Variants in LRRC56 observed in about 807,000 individuals in gnomAD.
LRRC56 encodes leucine rich repeat containing 56.
Under a neutral mutation model 47.8 loss-of-function variants are expected in LRRC56, and 41 were observed. That is an observed-to-expected ratio of 0.86 (90% CI 0.67 to 1.11). LRRC56 has a LOEUF of 1.11. Ranked by LOEUF, LRRC56 falls within the 50% of genes most tolerant of loss-of-function variation. The pLI is 0.00. For synonymous variants in LRRC56, 387 were observed against 311.2 expected (o/e 1.24, Z -2.56); for missense variants, 759 against 704.2 (o/e 1.08, Z -0.88).
At chr11:508,200 C>T in the LRRC56 span, among the ~76,000 whole-genome samples, 2 of 152,228 alleles carry the variant, frequency 1.3e-5, no homozygotes, top group African/African-American at 4.8e-5. Context: ...GGGTCTCACT[C>T]CACTGCTTAG....
At chr11:553,430 G>A (rs1248222303) in intron 13 of LRRC56, among the ~76,000 whole-genome samples, 6 of 152,102 alleles carry the variant, frequency 3.9e-5, no homozygotes, top group East Asian at 1.9e-4. Flanking sequence ...CTGTGGAGGG[G>A]GCAGACAGAG....
the LRRC56 span, among the ~76,000 whole-genome samples, chr11:526,106 C>A: frequency 2.6e-5 from 4 of 151,550 alleles, no homozygotes; most frequent in Admixed American, 2.0e-4. Context: ...ACTCGGGAGG[C>A]TGAGGCAGGA....
In LRRC56 at chr11:551,297, C is replaced by A. The variant is rs564607547; in HGVS notation, c.791C>A (p.Pro264Gln). The change falls in exon 9 of 14, where the codon CCG becomes CAG. Residue 264 changes from proline to glutamine, a missense_variant. Pro to Gln is a moderately conservative substitution (Grantham distance 76, BLOSUM62 -1). Coordinates refer to ENST00000270115, the MANE Select transcript of LRRC56 (RefSeq NM_198075.4). ...ATCAAGAAGGGCAACGGCCTTCCCC[C>A]GCTGGGTACGGCAGCTGCGCCCGGA... ...EAIKKGNGLP[P>Q]LDCPRGAPIR... The A allele has an allele frequency of 6.2e-5, 94 of 1,519,490 alleles. 1 individual carries two copies. The South Asian group carries it at 8.3e-4, about 13-fold the overall frequency. 94.1% of individuals were successfully genotyped at this position (1,519,490 alleles called of 1,614,324 possible). A position where few individuals can be genotyped will look rare whatever the true frequency, so the allele number is the denominator to read the frequency against.
At chr11:533,501 G>C (rs773270401), upstream of LRRC56, 2 of 1,613,646 alleles carry the variant, frequency 1.2e-6, no homozygotes, top group South Asian at 2.2e-5. Context: ...CGTAGCTTCG[G>C]GCGAGGTCCT....
At chr11:546,895 A>G (rs1852109916) in intron 6 of LRRC56, among the ~76,000 whole-genome samples, 2 of 151,784 alleles carry the variant, frequency 1.3e-5, no homozygotes. Context: ...TACTAAAAAT[A>G]CAAAAAAAAA....
At chr11:533,476 C>T (rs909222512), upstream of LRRC56, 7 of 1,613,378 alleles carry the variant, frequency 4.3e-6, no homozygotes, top group Admixed American at 3.3e-5. Flanking sequence ...GCCGAGGTCT[C>T]GATGTAGGGG....
chr11:540,736 GTCC>G lies in LRRC56; in HGVS notation c.53_55del (p.Val18_Arg19delinsGly), dbSNP rs759014538. On this transcript the variant is annotated inframe_deletion, in exon 4 of 14. Coordinates refer to ENST00000270115, the MANE Select transcript of LRRC56 (RefSeq NM_198075.4). ...TGGGCCTCGGCGGAGCACCTCCAGC[GTCC>G]GGGTGCGGGAGCTGAGCTGGCAAGG... 502 of 1,612,196 alleles carry G rather than the reference GTCC, an allele frequency of 3.1e-4. No homozygotes were observed. Among genetic ancestry groups the G allele is most frequent in the Non-Finnish European group, 3.9e-4 (466 of 1,179,792 alleles).
At chr11:507,151 C>G in the LRRC56 span, 4 of 152,224 alleles carry the variant, frequency 2.6e-5, no homozygotes, top group Non-Finnish European at 5.9e-5. Flanking sequence ...CCTGGAGACC[C>G]AGAGCGAGAC....
chr11:539,233 A>G (rs917798964), intron 2 of LRRC56, among the ~76,000 whole-genome samples: 6 of 151,994 alleles, frequency 3.9e-5, no homozygotes, highest in African/African-American at 1.5e-4. Flanking sequence ...GGCGTCCGCC[A>G]CCACGCCTGG....
At chr11:552,852 C>CT (rs1294236946) in intron 13 of LRRC56, 150 bp downstream of exon 13, 2 of 726,274 alleles carry the variant, frequency 2.8e-6, no homozygotes, top group Non-Finnish European at 4.4e-6. Flanking sequence ...AGGCCCCCTT[C>CT]TGGGGGTGGG....
rs139948504 is a variant in LRRC56, at chr11:541,726, G to A, written c.265+102G>A. The A allele has an allele frequency of 2.0e-3, 1,474 of 724,332 alleles. 6 individuals are homozygous for A. Among genetic ancestry groups the A allele is most frequent in the Middle Eastern group, 0.016 (64 of 4,054 alleles). The allele number at this position is 724,332 out of a possible 1,614,324, so 44.9% of individuals were successfully genotyped here. The stretch of plus-strand genomic sequence containing the variant: ...GACGACAAAGCTGTCCTCACCTCTC[G>A]GGCCGCGTATCGGCTTCCTTAGGGT... On this transcript the variant is annotated intron_variant, in intron 5 of 13. Coordinates refer to ENST00000270115, the MANE Select transcript of LRRC56 (RefSeq NM_198075.4). This position sits in a 1 kb window ranked among gnomAD's most constrained non-coding sequence, Gnocchi z 4.1.
the LRRC56 span, among the ~76,000 whole-genome samples, chr11:515,903 C>T: frequency 1.3e-5 from 2 of 152,140 alleles, no homozygotes; most frequent in Non-Finnish European, 2.9e-5. Context: ...TTGAAGCTTC[C>T]ATTCATATGT....
the LRRC56 span, among the ~76,000 whole-genome samples, chr11:526,837 TGA>T: frequency 2.3e-4 from 35 of 152,016 alleles, no homozygotes; most frequent in South Asian, 7.3e-3. Flanking sequence ...CTGGGGAGGC[TGA>T]GACAGGAGAA....
chr11:511,012 C>T, the LRRC56 span, among the ~76,000 whole-genome samples: 7 of 152,226 alleles, frequency 4.6e-5, 1 homozygote, highest in Admixed American at 2.0e-4. Flanking sequence ...TGGATTTTCA[C>T]ACGCAGCACG....
chr11:522,505 A>G, the LRRC56 span, among the ~76,000 whole-genome samples: 1 of 152,108 alleles, frequency 6.6e-6, no homozygotes, highest in Non-Finnish European at 1.5e-5. Context: ...TGACCTCGTG[A>G]TTCGCCCACC....
upstream of LRRC56, chr11:534,173 C>G (rs2133993676): frequency 6.6e-7 from 1 of 1,517,770 alleles, no homozygotes; most frequent in Non-Finnish European, 9.1e-7. Flanking sequence ...GGCTCGCCCG[C>G]AGCAGCTGCT....
rs769932469 is a variant in LRRC56 at position 540,722 on chromosome 11, G to A, written c.38G>A (p.Arg13Gln). The change falls in exon 4 of 14, where the codon CGG (arginine) becomes CAG (glutamine). Residue 13 changes from arginine (R) to glutamine (Q), a missense_variant. Transcript: ENST00000270115. ...LGWDRSRGPR[R>Q]STSSVRVREL... ...TGGGACAGATCCCGTGGGCCTCGGC[G>A]GAGCACCTCCAGCGTCCGGGTGCGG... is the stretch of plus-strand genomic sequence containing the variant. 37 of 1,612,506 alleles carry A rather than the reference G, an allele frequency of 2.3e-5. No homozygotes were observed. The highest frequency in any genetic ancestry group is 2.0e-4 in the Admixed American group (12 of 59,944).
chr11:552,528 G>T (rs752343436), intron 12 of LRRC56, 41 bp from the exon 13 acceptor site: 4 of 1,548,924 alleles, frequency 2.6e-6, no homozygotes, highest in Non-Finnish European at 3.5e-6. Context: ...TGTCCCGTGG[G>T]GGGATCAGGG....
At chr11:536,824 C>G (rs1310094607), upstream of LRRC56, 1 of 152,318 alleles carries the variant, frequency 6.6e-6, no homozygotes, top group Non-Finnish European at 1.5e-5. Flanking sequence ...CAGCGCCCGC[C>G]TCGCCCTCCT....
Sources: allele counts gnomAD v4.1 joint callset (sites outside exome capture counted in the v4.1 genomes callset), GRCh38; gene constraint gnomAD v4.1.1; non-coding constraint Gnocchi (gnomAD v3.1); transcripts MANE v1.5; gene names NCBI Gene and HGNC (gene_info 2026-07-23, HGNC 2026-07-21).